CNTN4: variants seen among roughly 807,000 people sequenced by gnomAD.
CNTN4 encodes the protein contactin-4.
Under a neutral mutation model 122.5 loss-of-function variants are expected in CNTN4, and 77 were observed. That is an observed-to-expected ratio of 0.63 (90% CI 0.52 to 0.76). The LOEUF (loss-of-function observed/expected upper bound fraction) is 0.76. Ranked by LOEUF, CNTN4 falls within the 30% of genes least tolerant of loss-of-function variation. CNTN4 has a pLI of 0.00. For synonymous variants in CNTN4, 512 were observed against 447.0 expected, an observed-to-expected ratio of 1.15 and a Z score of -1.83; for missense variants, 1,256 against 1,259.1, an observed-to-expected ratio of 1.00 and a Z score of 0.04.
intron 6 of CNTN4, among the ~76,000 whole-genome samples, chr3:2,802,291 C>G (rs947646068): frequency 6.6e-6 from 1 of 152,200 alleles, no homozygotes; most frequent in South Asian, 2.1e-4. Context: ...AGTCACCCAA[C>G]ACTTATTTTC....
chr3:2,099,361 C>G (rs1208942701), intron 1 of CNTN4: 1 of 152,352 alleles, frequency 6.6e-6, no homozygotes, highest in Non-Finnish European at 1.5e-5. Context: ...CAAGTCAGCT[C>G]CTCCGACTGG....
At chr3:2,855,885 G>A (rs1024721568) in intron 7 of CNTN4, among the ~76,000 whole-genome samples, 5 of 152,272 alleles carry the variant, frequency 3.3e-5, no homozygotes, top group South Asian at 2.1e-4. Flanking sequence ...GATTTTTAAC[G>A]AAAGGGGCTC....
intron 2 of CNTN4, among the ~76,000 whole-genome samples, chr3:2,287,564 C>T (rs2041946889): frequency 6.6e-6 from 1 of 150,578 alleles, no homozygotes; most frequent in East Asian, 2.0e-4. Context: ...GATTGTGCCA[C>T]TGCACTTTAG....
Position 2,633,833 on chromosome 3 carries a change from C to T in CNTN4, c.55+62275C>T, listed in dbSNP as rs186881311. On this transcript the variant is annotated intron_variant, in intron 4 of 24. Transcript: ENST00000418658. The stretch of plus-strand genomic sequence containing the variant: ...AGAAAAAGGAAGAAAAGCATTTGCT[C>T]GTCACTTGTCAGGAAATAAAAGGAA... Among the ~76,000 whole-genome samples the T allele has an allele frequency of 2.0e-4, 30 of 152,112 alleles. 1 individual carries two copies. The highest frequency in any genetic ancestry group is 2.4e-4 in the Non-Finnish European group (16 of 68,022).
chr3:2,654,481 T>G (rs904550458), intron 4 of CNTN4, among the ~76,000 whole-genome samples: 7 of 152,240 alleles, frequency 4.6e-5, no homozygotes, highest in African/African-American at 1.7e-4. Flanking sequence ...TCCTTTTTTC[T>G]CATGCTTTTA....
At chr3:2,780,450 A>C (rs1399799111) in intron 6 of CNTN4, among the ~76,000 whole-genome samples, 2 of 152,092 alleles carry the variant, frequency 1.3e-5, no homozygotes, top group East Asian at 3.9e-4. Flanking sequence ...TCTTTTATGC[A>C]TTTTCTCTTT....
rs2093985836 is a variant in CNTN4 at position 2,886,929 on chromosome 3, T to G, written c.756-111T>G. ...ATGGAGATAGAGGAATGAATGAAGT[T>G]TGCAAAACACCCAACCTTATATGTG... On this transcript the variant is annotated intron_variant, in intron 9 of 24. Coordinates refer to ENST00000418658, the MANE Select transcript of CNTN4 (RefSeq NM_175607.3). The G allele has an allele frequency of 4.8e-6, 4 of 832,948 alleles. No homozygotes were observed. In the South Asian group the frequency reaches 6.3e-5, roughly 13 times the overall value. 51.6% of individuals were successfully genotyped at this position (832,948 alleles called of 1,614,324 possible).
chr3:2,938,332 C>A (rs1036921763), intron 13 of CNTN4, among the ~76,000 whole-genome samples: 1 of 151,684 alleles, frequency 6.6e-6, no homozygotes. Context: ...ACACCCAGCG[C>A]TTGTTTTTTT....
intron 2 of CNTN4, among the ~76,000 whole-genome samples, chr3:2,105,338 A>G (rs1162161903): frequency 3.3e-5 from 5 of 152,210 alleles, no homozygotes; most frequent in South Asian, 2.1e-4. Flanking sequence ...TAATCTGGCT[A>G]TGCCTAAAGT....
intron 6 of CNTN4, among the ~76,000 whole-genome samples, chr3:2,751,027 C>T (rs974810497): frequency 2.0e-5 from 3 of 152,050 alleles, no homozygotes; most frequent in African/African-American, 4.8e-5. Context: ...TATGGCCAGG[C>T]GCGATGGCTC....
chr3:2,327,438 A>G (rs921802570), intron 2 of CNTN4, among the ~76,000 whole-genome samples: 2 of 152,184 alleles, frequency 1.3e-5, no homozygotes, highest in African/African-American at 4.8e-5. Context: ...TTGTAAACAC[A>G]TATGGATCTT....
intron 7 of CNTN4, among the ~76,000 whole-genome samples, chr3:2,840,017 A>C (rs941912840): frequency 2.0e-5 from 3 of 152,166 alleles, no homozygotes; most frequent in Non-Finnish European, 4.4e-5. Flanking sequence ...AGGAGCCAAG[A>C]TCTCTGGTGA....
At chr3:2,984,110 A>G (rs1694325285) in intron 13 of CNTN4, among the ~76,000 whole-genome samples, 1 of 152,212 alleles carries the variant, frequency 6.6e-6, no homozygotes, top group Non-Finnish European at 1.5e-5. Flanking sequence ...CACAAGGCCC[A>G]TAGGAAATTG....
intron 2 of CNTN4, among the ~76,000 whole-genome samples, chr3:2,230,848 C>T (rs543617588): frequency 1.6e-4 from 25 of 151,872 alleles, no homozygotes; most frequent in Non-Finnish European, 2.9e-4. Flanking sequence ...TTGGCTTGAG[C>T]ATGGTGGTGC....
chr3:2,956,796 C>G (rs769813648), intron 13 of CNTN4, among the ~76,000 whole-genome samples: 3 of 152,092 alleles, frequency 2.0e-5, no homozygotes, highest in Admixed American at 6.6e-5. Flanking sequence ...CTATTTATTT[C>G]CCCTACCTCC....
intron 4 of CNTN4, among the ~76,000 whole-genome samples, chr3:2,599,656 C>G (rs78606645): frequency 2.0e-5 from 3 of 152,296 alleles, no homozygotes; most frequent in Non-Finnish European, 2.9e-5. Context: ...TAGCCTTTAT[C>G]AAACTTCTCT....
intron 9 of CNTN4, 38 bp from the exon 10 acceptor site, chr3:2,887,002 C>G (rs2093986619): frequency 4.4e-6 from 7 of 1,580,880 alleles, no homozygotes; most frequent in Non-Finnish European, 6.1e-6. Context: ...GTCCAGTTTT[C>G]TCTAGTTTGA....
At chr3:2,335,201 T>C (rs2043895991) in intron 2 of CNTN4, among the ~76,000 whole-genome samples, 1 of 152,178 alleles carries the variant, frequency 6.6e-6, no homozygotes. Flanking sequence ...CTGCCTATTT[T>C]CACATGTGAT....
chr3:2,740,255 G>A (rs906644890), intron 5 of CNTN4, among the ~76,000 whole-genome samples: 1 of 152,136 alleles, frequency 6.6e-6, no homozygotes, highest in Non-Finnish European at 1.5e-5. Context: ...AGCTAGTCAG[G>A]AGGCTGAGGT....
Sources: gnomAD v4.1 joint callset for allele counts (sites outside exome capture counted in the v4.1 genomes callset) on GRCh38, gnomAD v4.1.1 for gene constraint, MANE v1.5 for transcripts, NCBI Gene and HGNC (gene_info 2026-07-23, HGNC 2026-07-21) for gene names.